Variants in ROBO2 observed in about 807,000 individuals in gnomAD.
ROBO2 encodes the protein roundabout guidance receptor 2.
A neutral mutation model predicts 160.8 loss-of-function variants in ROBO2; 53 were observed. That is an observed-to-expected ratio of 0.33 (90% CI 0.26 to 0.41). The LOEUF (loss-of-function observed/expected upper bound fraction) is 0.41. ROBO2 is among the 10% of genes least tolerant of loss of function. ROBO2 has a pLI of 1.00. For missense variants in ROBO2, 1,577 were observed against 1,722.4 expected, an observed-to-expected ratio of 0.92 and a Z score of 1.49; for synonymous variants, 664 against 611.7, an observed-to-expected ratio of 1.09 and a Z score of -1.26.
intron 2 of ROBO2, among the ~76,000 whole-genome samples, chr3:76,341,419 T>TA (rs71277587): frequency 0.2 from 8,950 of 43,854 alleles, 360 homozygotes; most frequent in African/African-American, 0.25. Context: ...TTTTAAAGCG[T>TA]AAAAAAAAAA....
intron 2 of ROBO2, among the ~76,000 whole-genome samples, chr3:75,957,247 A>AC (rs2107241093): frequency 5.4e-5 from 2 of 37,160 alleles, no homozygotes; most frequent in African/African-American, 8.1e-5. Flanking sequence ...CACACACACA[A>AC]AACACACACA....
At chr3:75,957,900 A>G (rs1192489783) in intron 2 of ROBO2, among the ~76,000 whole-genome samples, 3 of 151,702 alleles carry the variant, frequency 2.0e-5, no homozygotes, top group Admixed American at 6.6e-5. Flanking sequence ...ACAGAATCTC[A>G]TCTTAACTTT....
intron 2 of ROBO2, among the ~76,000 whole-genome samples, chr3:76,194,624 ATTT>A (rs746844898): frequency 4.3e-4 from 61 of 141,208 alleles, no homozygotes; most frequent in African/African-American, 1.6e-3. Context: ...CTTTAATGTG[ATTT>A]TTTTTTTTTT....
intron 2 of ROBO2, among the ~76,000 whole-genome samples, chr3:76,266,360 G>A (rs1399900449): frequency 6.6e-6 from 1 of 152,058 alleles, no homozygotes. Flanking sequence ...GCCTGTTACT[G>A]TAAGGTTATT....
intron 2 of ROBO2, among the ~76,000 whole-genome samples, chr3:77,269,152 A>C (rs968086261): frequency 2.0e-5 from 3 of 152,178 alleles, no homozygotes; most frequent in Non-Finnish European, 2.9e-5. Flanking sequence ...CTTACACTAT[A>C]GTGAAAATCC....
upstream of ROBO2, among the ~76,000 whole-genome samples, chr3:77,037,271 T>C (rs1332970477): frequency 3.9e-5 from 6 of 152,174 alleles, no homozygotes; most frequent in Non-Finnish European, 7.4e-5. Context: ...AAACCAGTTA[T>C]GAACTTGACT....
chr3:76,128,041 G>C (rs540744262), intron 2 of ROBO2, among the ~76,000 whole-genome samples: 3 of 151,434 alleles, frequency 2.0e-5, no homozygotes, highest in Non-Finnish European at 4.4e-5. Flanking sequence ...GACTACAGGC[G>C]CCCACCACCA....
In ROBO2 at chr3:76,434,504, A is replaced by G. The variant is rs555573174; in HGVS notation, c.109+496902A>G. On this transcript the variant is annotated intron_variant, in intron 2 of 26. Transcript: ENST00000487694. ...CATGTTTTATACAAACCGAGTCCTCAAAGAGTACAAAGATGTGGATAAGAA... is the reference window on the plus strand; with the variant it reads ...CATGTTTTATACAAACCGAGTCCTCGAAGAGTACAAAGATGTGGATAAGAA... 488 of 1,557,594 alleles carry G rather than the reference A, an allele frequency of 3.1e-4. 4 individuals carry two copies. In the African/African-American group the frequency reaches 6.1e-3, roughly 19 times the overall value.
intron 2 of ROBO2, among the ~76,000 whole-genome samples, chr3:76,510,159 G>A (rs1041315908): frequency 1.3e-5 from 2 of 152,070 alleles, no homozygotes; most frequent in African/African-American, 4.8e-5. Context: ...GTGATTTCTT[G>A]CTTATTCTCT....
intron 2 of ROBO2, among the ~76,000 whole-genome samples, chr3:76,050,576 A>C (rs2107812597): frequency 6.6e-6 from 1 of 152,226 alleles, no homozygotes; most frequent in Non-Finnish European, 1.5e-5. Flanking sequence ...TCCAGCTAGG[A>C]GACACAGTTA....
At chr3:76,772,469 A>T (rs1218317584) in intron 2 of ROBO2, among the ~76,000 whole-genome samples, 1 of 146,546 alleles carries the variant, frequency 6.8e-6, no homozygotes, top group Non-Finnish European at 1.5e-5. Context: ...GTTTTCCATG[A>T]TTATTGCTCT....
chr3:76,358,794 T>C (rs2075328846), intron 2 of ROBO2, among the ~76,000 whole-genome samples: 1 of 151,936 alleles, frequency 6.6e-6, no homozygotes, highest in African/African-American at 2.4e-5. Flanking sequence ...TATTATACTT[T>C]AAGTTTTAGG....
At chr3:77,076,507 A>C (rs1470558375) in intron 1 of ROBO2, among the ~76,000 whole-genome samples, 1 of 135,770 alleles carries the variant, frequency 7.4e-6, no homozygotes. Flanking sequence ...AGAGGAAAAT[A>C]AATTTTTTTT....
At chr3:76,449,016 A>G (rs780457507) in intron 2 of ROBO2, among the ~76,000 whole-genome samples, 1 of 152,182 alleles carries the variant, frequency 6.6e-6, no homozygotes, top group African/African-American at 2.4e-5. Context: ...GGAAAAACGG[A>G]AATATAAATT....
At chr3:76,398,735 G>A (rs1157648685) in intron 2 of ROBO2, among the ~76,000 whole-genome samples, 1 of 151,524 alleles carries the variant, frequency 6.6e-6, no homozygotes, top group Non-Finnish European at 1.5e-5. Context: ...ATACTATTAA[G>A]TTTAGTATAT....
At chr3:76,887,818 C>G (rs953466477) in intron 2 of ROBO2, among the ~76,000 whole-genome samples, 39 of 152,008 alleles carry the variant, frequency 2.6e-4, no homozygotes, top group African/African-American at 6.5e-4. Flanking sequence ...TATATCCCCT[C>G]CCTTGATTTT....
intron 2 of ROBO2, among the ~76,000 whole-genome samples, chr3:76,248,847 T>C (rs17140573): frequency 0.12 from 18,788 of 152,028 alleles, 1,822 homozygotes; most frequent in East Asian, 0.42. Flanking sequence ...AAAAGACCTA[T>C]GCTGTTTAGT....
intron 2 of ROBO2, among the ~76,000 whole-genome samples, chr3:75,979,127 T>A (rs1222204782): frequency 1.3e-5 from 2 of 151,518 alleles, no homozygotes; most frequent in Admixed American, 1.3e-4. Context: ...TATAGACATT[T>A]GAAAAATAAT....
At chr3:76,172,241 G>A (rs972827029) in intron 2 of ROBO2, among the ~76,000 whole-genome samples, 4 of 147,516 alleles carry the variant, frequency 2.7e-5, no homozygotes, top group African/African-American at 1.0e-4. Flanking sequence ...TGAACAATGA[G>A]AACACATGGA....
Sources: gnomAD v4.1 joint callset for allele counts (sites outside exome capture counted in the v4.1 genomes callset) on GRCh38, gnomAD v4.1.1 for gene constraint, MANE v1.5 for transcripts, NCBI Gene and HGNC (gene_info 2026-07-23, HGNC 2026-07-21) for gene names.